The following ZFPM1 variants were observed in gnomAD, a reference collection of about 807,000 sequenced individuals.
ZFPM1 encodes the protein zinc finger protein, FOG family member 1.
ZFPM1 carries 28 observed loss-of-function variants against 46.3 expected under a neutral mutation model. The observed-to-expected ratio is 0.60, with a 90% CI of 0.45 to 0.83. ZFPM1 has a LOEUF of 0.83. ZFPM1 is among the 40% of genes least tolerant of loss of function. The pLI is 0.00. For missense variants in ZFPM1, 1,878 were observed against 1,432.4 expected (o/e 1.31, Z -5.02); for synonymous variants, 957 against 675.9 (o/e 1.42, Z -6.45).
chr16:88,461,900 G>A (rs369870438), intron 1 of ZFPM1, among the ~76,000 whole-genome samples: 1 of 152,230 alleles, frequency 6.6e-6, no homozygotes, highest in Non-Finnish European at 1.5e-5. Context: ...GGCGTGACAT[G>A]TGTGAGGTTA....
chr16:88,506,727 G>T (rs1910681727), intron 3 of ZFPM1, among the ~76,000 whole-genome samples: 1 of 152,088 alleles, frequency 6.6e-6, no homozygotes, highest in South Asian at 2.1e-4. Flanking sequence ...CCCAGACCCA[G>T]CCCTCCTGCA....
At chr16:88,507,300 C>A (rs1363129401) in intron 3 of ZFPM1, among the ~76,000 whole-genome samples, 1 of 152,212 alleles carries the variant, frequency 6.6e-6, no homozygotes, top group Non-Finnish European at 1.5e-5. Flanking sequence ...GCCTCACCCC[C>A]TCAGCACCAT....
intron 1 of ZFPM1, among the ~76,000 whole-genome samples, chr16:88,474,689 C>A (rs7196553): frequency 2.6e-5 from 4 of 152,050 alleles, no homozygotes; most frequent in African/African-American, 7.3e-5. Context: ...AGCCAGCCCC[C>A]ACGCCAGCCC....
Position 88,463,640 on chromosome 16 carries a change from C to T in ZFPM1, c.40+9962C>T, listed in dbSNP as rs79490406. On this transcript the variant is annotated intron_variant, in intron 1 of 9. Transcript: ENST00000319555. ...AGAGTTTCAAGGTCAGCCCCAGCCC[C>T]GGAGCTTGAGCTCCTAGATCTGGGC... 3.5e-3 allele frequency among the ~76,000 whole-genome samples: 534 copies of T among 152,376 alleles called. 4 individuals are homozygous for T. Among genetic ancestry groups the T allele is most frequent in the African/African-American group, 0.012 (512 of 41,594 alleles).
intron 1 of ZFPM1, among the ~76,000 whole-genome samples, chr16:88,462,825 C>T (rs1380835203): frequency 2.7e-5 from 4 of 146,258 alleles, no homozygotes; most frequent in Non-Finnish European, 6.3e-5. Context: ...CCACCCTGAG[C>T]CTCAGTTTCC....
chr16:88,491,588 G>GGTTA (rs1909578716), intron 3 of ZFPM1, among the ~76,000 whole-genome samples: 1 of 152,220 alleles, frequency 6.6e-6, no homozygotes, highest in South Asian at 2.1e-4. Context: ...TGTTGAGAGG[G>GGTTA]GTTAGATCAT....
chr16:88,494,210 G>A (rs577867928), intron 3 of ZFPM1, among the ~76,000 whole-genome samples: 3 of 152,106 alleles, frequency 2.0e-5, no homozygotes, highest in Admixed American at 2.0e-4. Context: ...GGGAGAAGCC[G>A]CCATCTGCAA....
chr16:88,531,814 C>T (rs918146556), intron 6 of ZFPM1, among the ~76,000 whole-genome samples, 188 bp from the exon 7 acceptor site: 3 of 152,174 alleles, frequency 2.0e-5, no homozygotes, highest in Admixed American at 6.5e-5. Context: ...CTGGGATCTA[C>T]GGAAGGGAGT....
At chr16:88,512,054 C>A (rs1910996764) in intron 3 of ZFPM1, among the ~76,000 whole-genome samples, 1 of 152,232 alleles carries the variant, frequency 6.6e-6, no homozygotes. Flanking sequence ...CAGAGCCAGC[C>A]CTCTCTGGCA....
intron 3 of ZFPM1, among the ~76,000 whole-genome samples, chr16:88,510,911 C>A (rs1285771677): frequency 6.6e-6 from 1 of 152,216 alleles, no homozygotes; most frequent in African/African-American, 2.4e-5. Context: ...CTGGGCCTGG[C>A]TGAGGCTCGG....
In ZFPM1 at chr16:88,471,873, C is replaced by T. The variant is rs1465767348; in HGVS notation, c.41-14066C>T. ...GGCTCTGGGCCTCCGGCTGGCTGTGCACCATGTTCCACTGGGTTATTCCTG... is the reference window on the plus strand; with the variant it reads ...GGCTCTGGGCCTCCGGCTGGCTGTGTACCATGTTCCACTGGGTTATTCCTG... On this transcript the variant is annotated intron_variant, in intron 1 of 9. Transcript: ENST00000319555. The surrounding 1 kb of genome is among the most constrained non-coding windows in gnomAD (Gnocchi z 4.1). Among the ~76,000 whole-genome samples the T allele has an allele frequency of 6.6e-6, 1 of 152,254 alleles. No homozygotes were observed. Among genetic ancestry groups the T allele is most frequent in the Non-Finnish European group, 1.5e-5 (1 of 68,052 alleles).
rs866513547 is a variant in ZFPM1, at chr16:88,461,040, G to A, written c.40+7362G>A. On this transcript the variant is annotated intron_variant, in intron 1 of 9. Coordinates refer to ENST00000319555, the MANE Select transcript of ZFPM1 (RefSeq NM_153813.3). The stretch of plus-strand genomic sequence containing the variant: ...TGGGGCGGGAGGCCTGGTGAGGACC[G>A]AGGGGCGGGAGGCCCTGGTGAGGAC... 1.4e-4 allele frequency among the ~76,000 whole-genome samples: 15 copies of A among 107,694 alleles called. No individual in the cohort carries two copies. The East Asian group carries it at 2.8e-3, about 20-fold the overall frequency. The allele number at this position is 107,694 out of a possible 152,430, so 70.7% of individuals were successfully genotyped here.
At chr16:88,527,525 G>A (rs886473778) in intron 5 of ZFPM1, among the ~76,000 whole-genome samples, 4 of 152,122 alleles carry the variant, frequency 2.6e-5, no homozygotes, top group Admixed American at 6.5e-5. Flanking sequence ...GCGCGTGAGC[G>A]GGCCGGCTCA....
chr16:88,456,234 A>G (rs2142333961), intron 1 of ZFPM1, among the ~76,000 whole-genome samples: 1 of 152,290 alleles, frequency 6.6e-6, no homozygotes, highest in South Asian at 2.1e-4. Context: ...AGGAGGGGGA[A>G]GGGGGAGGAC....
intron 1 of ZFPM1, chr16:88,468,991 C>T (rs755177359): frequency 7.8e-5 from 12 of 154,200 alleles, no homozygotes; most frequent in African/African-American, 1.2e-4. Context: ...ACCTGCCAAC[C>T]GTCAGAGCCC....
intron 2 of ZFPM1, among the ~76,000 whole-genome samples, chr16:88,488,436 C>T (rs904185448): frequency 3.9e-5 from 6 of 152,280 alleles, no homozygotes; most frequent in Admixed American, 1.3e-4. Flanking sequence ...GAGGCTCCCT[C>T]GCGGTGGCTG....
intron 1 of ZFPM1, among the ~76,000 whole-genome samples, chr16:88,468,423 C>A (rs1425089733): frequency 6.6e-6 from 1 of 152,170 alleles, no homozygotes; most frequent in African/African-American, 2.4e-5. Flanking sequence ...TCTCAACAGG[C>A]CCCCACAGGA....
At chr16:88,531,734 T>C (rs1912799310) in intron 6 of ZFPM1, among the ~76,000 whole-genome samples, 1 of 152,204 alleles carries the variant, frequency 6.6e-6, no homozygotes, top group Admixed American at 6.5e-5. Flanking sequence ...CATCTCCTTA[T>C]GGGGCTCACC....
chr16:88,530,811 AG>A (rs1912729694), intron 6 of ZFPM1: 1 of 152,348 alleles, frequency 6.6e-6, no homozygotes, highest in Non-Finnish European at 1.5e-5. Flanking sequence ...GAGAGAGGAC[AG>A]AGCTGCCTGC....
Sources: allele counts gnomAD v4.1 joint callset (sites outside exome capture counted in the v4.1 genomes callset), GRCh38; gene constraint gnomAD v4.1.1; non-coding constraint Gnocchi (gnomAD v3.1); transcripts MANE v1.5; gene names NCBI Gene and HGNC (gene_info 2026-07-23, HGNC 2026-07-21).